Variants in NKAIN2 observed in about 807,000 individuals in gnomAD.
The protein encoded by NKAIN2 is sodium/potassium transporting ATPase interacting 2.
A neutral mutation model predicts 32.6 loss-of-function variants in NKAIN2; 14 were observed. The ratio of observed to expected loss-of-function variants is 0.43; its 90% CI spans 0.28 to 0.67. The LOEUF (loss-of-function observed/expected upper bound fraction) is 0.67, where lower values mean the gene tolerates loss of function less well. Among genes scored for constraint, NKAIN2 ranks in the 30% least tolerant of loss-of-function variants. NKAIN2 has a pLI of 0.17. For missense variants in NKAIN2, 198 were observed against 258.3 expected (o/e 0.77, Z 1.60); for synonymous variants, 80 against 87.2 (o/e 0.92, Z 0.46).
chr6:124,120,451 G>A (rs1170289811), intron 1 of NKAIN2, among the ~76,000 whole-genome samples: 1 of 152,090 alleles, frequency 6.6e-6, no homozygotes, highest in African/African-American at 2.4e-5. Context: ...CAACAGGTAA[G>A]CACTTAGCTA....
At chr6:124,355,369 T>C (rs1798923770) in intron 3 of NKAIN2, 22 bp downstream of exon 3, 10 of 1,397,536 alleles carry the variant, frequency 7.2e-6, no homozygotes, top group Non-Finnish European at 8.1e-6. Flanking sequence ...CTAATTTGCC[T>C]GAGTCATCAG....
intron 1 of NKAIN2, among the ~76,000 whole-genome samples, chr6:124,032,899 C>T (rs960566000): frequency 1.3e-5 from 2 of 151,848 alleles, no homozygotes; most frequent in Admixed American, 1.3e-4. Flanking sequence ...TGTTTGTTTG[C>T]CTAATGTTCT....
chr6:124,021,958 A>C (rs1423826434), intron 1 of NKAIN2, among the ~76,000 whole-genome samples: 1 of 152,140 alleles, frequency 6.6e-6, no homozygotes, highest in East Asian at 1.9e-4. Flanking sequence ...AGTTTTTTAC[A>C]TATGTATACA....
intron 1 of NKAIN2, among the ~76,000 whole-genome samples, chr6:124,223,438 C>A (rs1029270670): frequency 6.6e-6 from 1 of 152,000 alleles, no homozygotes; most frequent in African/African-American, 2.4e-5. Context: ...GCAATCAAAT[C>A]TAGGGTACCT....
At chr6:123,805,475 C>T (rs559520205) in intron 1 of NKAIN2, among the ~76,000 whole-genome samples, 8 of 152,244 alleles carry the variant, frequency 5.3e-5, no homozygotes, top group Admixed American at 4.6e-4. Context: ...GTTTTTCTTT[C>T]CCCTGAAAGT....
chr6:124,684,279 TTG>T (rs1773759376), intron 4 of NKAIN2, among the ~76,000 whole-genome samples: 2 of 152,304 alleles, frequency 1.3e-5, no homozygotes, highest in Non-Finnish European at 2.9e-5. Flanking sequence ...GCCTAATGAC[TTG>T]TAGTGGAGTT....
Position 124,116,246 on chromosome 6 carries a change from TG to T in NKAIN2, c.55-166755del, listed in dbSNP as rs200782340. ...TACCATGTATCCTAATTACTCCACC[TG>T]GGGTTCCTTCAGCAGTTTGCTCTAA... On this transcript the variant is annotated intron_variant, in intron 1 of 6. Transcript: ENST00000368417. 7.8e-3 allele frequency among the ~76,000 whole-genome samples: 1,188 copies of T among 152,244 alleles called. 23 individuals are homozygous for T. Among genetic ancestry groups the T allele is most frequent in the East Asian group, 0.044 (227 of 5,172 alleles).
intron 4 of NKAIN2, among the ~76,000 whole-genome samples, chr6:124,778,396 TCTC>T (rs1779080497): frequency 6.6e-6 from 1 of 151,884 alleles, no homozygotes; most frequent in Admixed American, 6.6e-5. Flanking sequence ...TTCTCAGCAG[TCTC>T]CTTTTTTGAT....
At chr6:124,406,282 C>G (rs954761433) in intron 3 of NKAIN2, among the ~76,000 whole-genome samples, 5 of 151,190 alleles carry the variant, frequency 3.3e-5, no homozygotes, top group African/African-American at 1.2e-4. Flanking sequence ...TTATTTATTT[C>G]TTTCTCTATA....
intron 4 of NKAIN2, among the ~76,000 whole-genome samples, chr6:124,734,273 C>T (rs1409353200): frequency 6.6e-6 from 1 of 151,532 alleles, no homozygotes; most frequent in Non-Finnish European, 1.5e-5. Flanking sequence ...AAATCTTGAC[C>T]CTATTTGCTG....
chr6:124,669,891 C>T (rs1324023794), intron 4 of NKAIN2, among the ~76,000 whole-genome samples: 5 of 151,966 alleles, frequency 3.3e-5, no homozygotes, highest in African/African-American at 9.7e-5. Context: ...TGACATTGAG[C>T]GTACTGCTCC....
At chr6:124,571,382 A>C (rs1300762731) in intron 3 of NKAIN2, among the ~76,000 whole-genome samples, 1 of 152,090 alleles carries the variant, frequency 6.6e-6, no homozygotes, top group East Asian at 1.9e-4. Flanking sequence ...CCCCACCCAA[A>C]TCTCAACTTG....
At chr6:124,459,223 G>C (rs1315742221) in intron 3 of NKAIN2, among the ~76,000 whole-genome samples, 2 of 151,816 alleles carry the variant, frequency 1.3e-5, no homozygotes, top group African/African-American at 2.4e-5. Context: ...AGATTGACTG[G>C]CTTATAAAGT....
At chr6:124,371,003 C>T (rs1252985128) in intron 3 of NKAIN2, among the ~76,000 whole-genome samples, 1 of 152,164 alleles carries the variant, frequency 6.6e-6, no homozygotes, top group East Asian at 1.9e-4. Context: ...TAACGCATTT[C>T]TGCAGTGTGT....
chr6:124,236,879 A>C (rs1792796708), intron 1 of NKAIN2, among the ~76,000 whole-genome samples: 1 of 152,182 alleles, frequency 6.6e-6, no homozygotes, highest in Non-Finnish European at 1.5e-5. Context: ...TGTTAAGAGA[A>C]GAGTGCTTTT....
At chr6:123,855,877 A>G (rs751152271) in intron 1 of NKAIN2, among the ~76,000 whole-genome samples, 9 of 152,210 alleles carry the variant, frequency 5.9e-5, no homozygotes, top group Admixed American at 4.6e-4. Context: ...GAGGAATACT[A>G]GGTTGGCCTT....
At position 123,912,061 on chromosome 6, in the gene NKAIN2, C is replaced by A. The variant is rs1775241505; in HGVS notation, c.54+107807C>A. On this transcript the variant is annotated intron_variant, in intron 1 of 6. Transcript: ENST00000368417. ...ATAATGGCAGCTCAATAAATCCTTT[C>A]CCTGAAATACAGAGAGGTAGATACT... Among the ~76,000 whole-genome samples, 5 of 151,472 alleles carry A rather than the reference C, an allele frequency of 3.3e-5. No individual in the cohort carries two copies. The Admixed American group carries it at 3.3e-4, about 10-fold the overall frequency.
intron 3 of NKAIN2, among the ~76,000 whole-genome samples, chr6:124,394,196 T>C (rs1460640728): frequency 1.3e-5 from 2 of 152,250 alleles, no homozygotes; most frequent in East Asian, 1.9e-4. Context: ...CAAATGACTT[T>C]GGGCAAATCA....
chr6:123,847,641 T>A (rs1182651184), intron 1 of NKAIN2, among the ~76,000 whole-genome samples: 2 of 152,142 alleles, frequency 1.3e-5, no homozygotes, highest in African/African-American at 4.8e-5. Context: ...AGGATCCCAT[T>A]TGTGAGAATA....
Sources: allele counts gnomAD v4.1 joint callset (sites outside exome capture counted in the v4.1 genomes callset), GRCh38; gene constraint gnomAD v4.1.1; transcripts MANE v1.5; gene names NCBI Gene and HGNC (gene_info 2026-07-23, HGNC 2026-07-21).